Variants in TPPP observed in about 807,000 individuals in gnomAD.
The protein encoded by TPPP is tubulin polymerization-promoting protein.
In TPPP, 6 loss-of-function variants were observed where a neutral mutation model predicts 15.5. That is an observed-to-expected ratio of 0.39 (90% CI 0.21 to 0.77). The LOEUF is 0.77. TPPP is among the 30% of genes least tolerant of loss of function. The pLI is 0.42. For synonymous variants in TPPP, 146 were observed against 133.9 expected, an observed-to-expected ratio of 1.09 and a Z score of -0.63; for missense variants, 269 against 307.2, an observed-to-expected ratio of 0.88 and a Z score of 0.93.
chr5:665,938 C>CCCCCCCCCCCCCACA, intron 3 of TPPP, 32 bp downstream of exon 3: 1 of 1,366,602 alleles, frequency 7.3e-7, no homozygotes, highest in Non-Finnish European at 9.7e-7. Flanking sequence ...CCACCCCCTC[C>CCCCCCCCCCCCCACA]AGGCCCCGCC....
chr5:665,292 G>T lies in TPPP; in HGVS notation c.470C>A (p.Ala157Asp). ...KAPIISGVTKAISSPTVSRLT... is the reference protein window; with the variant it reads ...KAPIISGVTKDISSPTVSRLT... ...CCTCGACACTGTGGGCGACGAGATG[G>T]CTTTCTGCAAGAGGAGCAGGAGGAA... The change falls in exon 4 of 4, where the codon GCC becomes GAC. Residue 157 changes from alanine (A) to aspartate (D), a missense_variant. Coordinates refer to ENST00000360578, the MANE Select transcript of TPPP (RefSeq NM_007030.3). 1.2e-6 allele frequency: 2 copies of T among 1,612,312 alleles called. No individual in the cohort carries two copies.
intron 2 of TPPP, among the ~76,000 whole-genome samples, chr5:669,437 C>A (rs1314728706): frequency 6.6e-6 from 1 of 152,190 alleles, no homozygotes; most frequent in African/African-American, 2.4e-5. Flanking sequence ...GTGCCTGGAA[C>A]TGACAGTGCC....
rs894164938 is a variant in TPPP at position 665,056 on chromosome 5, C to T, written c.*46G>A. On this transcript the variant is annotated 3_prime_UTR_variant, in exon 4 of 4. Transcript: ENST00000360578. ...GTAATGAAGTGCGAGGTGACAGAGT[C>T]CCTGCTCTGGGGACACCGGCAGTGC... The T allele has an allele frequency of 1.3e-6, 2 of 1,578,210 alleles. No homozygotes were observed. Among genetic ancestry groups the T allele is most frequent in the African/African-American group, 1.3e-5 (1 of 74,430 alleles).
intron 2 of TPPP, among the ~76,000 whole-genome samples, chr5:674,302 G>A (rs1171809563): frequency 6.6e-6 from 1 of 152,216 alleles, no homozygotes; most frequent in Non-Finnish European, 1.5e-5. Context: ...GGAGCACGGG[G>A]CTGGGTCCCC....
At position 664,835 on chromosome 5, in the gene TPPP, G is replaced by T. The variant is rs1007772445; in HGVS notation, c.*267C>A. On this transcript the variant is annotated 3_prime_UTR_variant, in exon 4 of 4. Transcript: ENST00000360578. ...CCACGTGCCCAGTGTGGTGTGATCC[G>T]CGAGACACTTTGGAAATGGCTGAGG... 2.1e-6 allele frequency: 1 copy of T among 487,254 alleles called. No homozygotes were observed. The highest frequency in any genetic ancestry group is 1.9e-5 in the African/African-American group (1 of 51,596). The allele number at this position is 487,254 out of a possible 1,614,324, so 30.2% of individuals were successfully genotyped here.
intron 1 of TPPP, among the ~76,000 whole-genome samples, chr5:688,693 G>A (rs1286321661): frequency 7.2e-6 from 1 of 139,416 alleles, no homozygotes; most frequent in Non-Finnish European, 1.6e-5. Flanking sequence ...GGGAGGTGAG[G>A]CTGAGATGAG....
the TPPP span, among the ~76,000 whole-genome samples, chr5:699,407 G>T: frequency 8.9e-3 from 1,355 of 152,024 alleles, 26 homozygotes; most frequent in Non-Finnish European, 0.012. Flanking sequence ...GGGAAAAGTG[G>T]ATTGGCATAT....
intron 2 of TPPP, among the ~76,000 whole-genome samples, chr5:671,323 G>A (rs565565122): frequency 6.6e-6 from 1 of 152,310 alleles, no homozygotes; most frequent in Admixed American, 6.5e-5. Context: ...GTGGGACGTG[G>A]ACTTGGGGCC....
chr5:666,139 C>CGACTTAGGGCACAGGA lies in TPPP; in HGVS notation c.312-17_312-16insTCCTGTGCCCTAAGTC, dbSNP rs2126867042. 6.2e-7 allele frequency: 1 copy of CGACTTAGGGCACAGGA among 1,608,218 alleles called. No homozygotes were observed. The highest frequency in any genetic ancestry group is 8.5e-7 in the Non-Finnish European group (1 of 1,179,170). On this transcript the variant is annotated splice_polypyrimidine_tract_variant and intron_variant, in intron 2 of 3. Transcript: ENST00000360578. Reference sequence around the variant, plus strand: ...AGACTTCCCTCTACAGGGGCACAGGCGACTTAGGGCTGGGCGCGGGCCGGC... The same window carrying CGACTTAGGGCACAGGA: ...AGACTTCCCTCTACAGGGGCACAGGCGACTTAGGGCACAGGAGACTTAGGGCTGGGCGCGGGCCGGC...
At chr5:691,844 C>CT (rs1561095983) in intron 1 of TPPP, among the ~76,000 whole-genome samples, 3 of 88,612 alleles carry the variant, frequency 3.4e-5, no homozygotes, top group Non-Finnish European at 8.0e-5. Flanking sequence ...CAGCAGCCCT[C>CT]AACCCCCATC....
At chr5:693,739 A>G (rs1340358976), upstream of TPPP, among the ~76,000 whole-genome samples, 1 of 148,978 alleles carries the variant, frequency 6.7e-6, no homozygotes, top group African/African-American at 2.5e-5. Flanking sequence ...CGGGGGATGG[A>G]TGAGCGCGGC....
In TPPP at chr5:666,078, C is replaced by G. The variant is rs777737792; in HGVS notation, c.357G>C (p.Ala119=). The change falls in exon 3 of 4, where the codon GCG becomes GCC. Residue 119 remains alanine (A), a synonymous_variant. Transcript: ENST00000360578. The stretch of plus-strand genomic sequence containing the variant: ...ATCGCTTCTTGGCGAGCTCCTCCAG[C>G]GCCTCCTGGAACTGCTCAAAGGTGA... ...RTITFEQFQE[A]LEELAKKRFK... 3 of 1,612,320 alleles carry G rather than the reference C, an allele frequency of 1.9e-6. No individual in the cohort carries two copies. The highest frequency in any genetic ancestry group is 2.5e-6 in the Non-Finnish European group (3 of 1,179,808).
At chr5:692,751 G>C in intron 1 of TPPP, 1 of 969,190 alleles carries the variant, frequency 1.0e-6, no homozygotes. Context: ...CACCTGCCAG[G>C]ACGCGGTGGT....
At chr5:676,656 C>T (rs1470666318) in intron 2 of TPPP, 1 of 152,244 alleles carries the variant, frequency 6.6e-6, no homozygotes, top group African/African-American at 2.4e-5. Context: ...CGGGTGCGAT[C>T]ATGGTGGGGT....
rs771689748 is a variant in TPPP, at chr5:665,192, A to C, written c.570T>G (p.Ala190=). The change falls in exon 4 of 4, where the codon GCT becomes GCG. Residue 190 remains alanine (A), a synonymous_variant. Transcript: ENST00000360578. Reference sequence around the variant, plus strand: ...ACTCGTCCACCAGATCCACGCGGCCAGCCTTGCCCTTGCCCTTGCCAGAGG... The same window carrying C: ...ACTCGTCCACCAGATCCACGCGGCCCGCCTTGCCCTTGCCCTTGCCAGAGG... ...FDPSGKGKGK[A]GRVDLVDESG... 3.1e-6 allele frequency: 5 copies of C among 1,613,772 alleles called. No individual in the cohort carries two copies. Among genetic ancestry groups the C allele is most frequent in the Admixed American group, 1.7e-5 (1 of 60,000 alleles).
Position 664,858 on chromosome 5 carries a change from A to C in TPPP, c.*244T>G. On this transcript the variant is annotated 3_prime_UTR_variant, in exon 4 of 4. Coordinates refer to ENST00000360578, the MANE Select transcript of TPPP (RefSeq NM_007030.3). ...CCGCGAGACACTTTGGAAATGGCTG[A>C]GGACGAGGCAGGTGTATTAGGAGGG... The C allele has an allele frequency of 1.9e-6, 1 of 530,734 alleles. No individual in the cohort carries two copies. Among genetic ancestry groups the C allele is most frequent in the East Asian group, 3.1e-5 (1 of 32,126 alleles). 32.9% of individuals were successfully genotyped at this position (530,734 alleles called of 1,614,324 possible).
intron 1 of TPPP, among the ~76,000 whole-genome samples, chr5:679,180 G>C (rs563433565): frequency 1.3e-5 from 2 of 152,274 alleles, no homozygotes; most frequent in East Asian, 3.9e-4. Flanking sequence ...GTGTGGCTCT[G>C]TAATCGTGGG....
chr5:664,928 G>A lies in TPPP; in HGVS notation c.*174C>T. ...ACCTGGTTTGAGAGGGGAGTGCTGG[G>A]GGCATCCGGTAGGAGGAGGGGCAGG... On this transcript the variant is annotated 3_prime_UTR_variant, in exon 4 of 4. Coordinates refer to ENST00000360578, the MANE Select transcript of TPPP (RefSeq NM_007030.3). The A allele has an allele frequency of 2.9e-6, 2 of 686,706 alleles. No individual in the cohort carries two copies. The highest frequency in any genetic ancestry group is 3.8e-5 in the South Asian group (2 of 53,024). 42.5% of individuals were successfully genotyped at this position (686,706 alleles called of 1,614,324 possible).
intron 1 of TPPP, among the ~76,000 whole-genome samples, chr5:685,930 T>C (rs1042884094): frequency 1.3e-5 from 2 of 152,078 alleles, no homozygotes; most frequent in African/African-American, 4.8e-5. Context: ...TGGCTGAGTA[T>C]CCAGGCCACA....
Sources: gnomAD v4.1 joint callset for allele counts (sites outside exome capture counted in the v4.1 genomes callset) on GRCh38, gnomAD v4.1.1 for gene constraint, MANE v1.5 for transcripts, NCBI Gene and HGNC (gene_info 2026-07-23, HGNC 2026-07-21) for gene names.